Variants in FGF12 observed in about 807,000 individuals in gnomAD.
FGF12 encodes the protein fibroblast growth factor 12B.
In FGF12, 14 loss-of-function variants were observed where a neutral mutation model predicts 23.6. The ratio of observed to expected loss-of-function variants is 0.59; its 90% CI spans 0.39 to 0.93. FGF12 has a LOEUF of 0.93. Ranked by LOEUF, FGF12 falls within the 40% of genes least tolerant of loss-of-function variation. FGF12 has a pLI of 0.00. For synonymous variants in FGF12, 62 were observed against 77.3 expected (o/e 0.80, Z 1.04); for missense variants, 175 against 217.8 (o/e 0.80, Z 1.24).
chr3:192,248,840 T>C (rs1259836568), intron 4 of FGF12, among the ~76,000 whole-genome samples: 2 of 152,194 alleles, frequency 1.3e-5, no homozygotes, highest in East Asian at 1.9e-4. Flanking sequence ...CATTTTATTT[T>C]AGCTTAACAC....
At chr3:192,319,646 A>T (rs914133650) in intron 4 of FGF12, among the ~76,000 whole-genome samples, 1 of 152,072 alleles carries the variant, frequency 6.6e-6, no homozygotes, top group Non-Finnish European at 1.5e-5. Flanking sequence ...CTTTCAAGAC[A>T]TGGATAGTAT....
chr3:192,613,509 C>T (rs951279638), intron 2 of FGF12, among the ~76,000 whole-genome samples: 5 of 151,828 alleles, frequency 3.3e-5, no homozygotes, highest in Non-Finnish European at 5.9e-5. Flanking sequence ...TATCTAGGTT[C>T]GGAGAACATG....
At chr3:192,544,388 T>A (rs1052712318) in intron 2 of FGF12, among the ~76,000 whole-genome samples, 1 of 152,164 alleles carries the variant, frequency 6.6e-6, no homozygotes, top group African/African-American at 2.4e-5. Flanking sequence ...TGCTTTTTTG[T>A]GTGGATAGTT....
intron 2 of FGF12, among the ~76,000 whole-genome samples, chr3:192,654,800 A>G (rs1280925429): frequency 6.6e-6 from 1 of 152,172 alleles, no homozygotes; most frequent in Non-Finnish European, 1.5e-5. Context: ...GTTTTCGTAT[A>G]TTCAACAGAA....
chr3:192,434,097 G>A (rs1036590536), intron 2 of FGF12, among the ~76,000 whole-genome samples: 10 of 152,242 alleles, frequency 6.6e-5, no homozygotes, highest in Admixed American at 1.3e-4. Flanking sequence ...GCAAATGGCC[G>A]AGTGGAAAAA....
At chr3:192,229,517 T>C (rs1332521817) in intron 4 of FGF12, among the ~76,000 whole-genome samples, 1 of 152,058 alleles carries the variant, frequency 6.6e-6, no homozygotes, top group East Asian at 1.9e-4. Context: ...TTTTTATTTT[T>C]CAGAAACTCT....
At chr3:192,695,586 T>C (rs1718093024) in intron 2 of FGF12, among the ~76,000 whole-genome samples, 1 of 152,182 alleles carries the variant, frequency 6.6e-6, no homozygotes, top group Non-Finnish European at 1.5e-5. Context: ...AACTAACTAA[T>C]AAAATGTGAG....
intron 2 of FGF12, among the ~76,000 whole-genome samples, chr3:192,650,536 T>G (rs537535129): frequency 6.6e-6 from 1 of 152,182 alleles, no homozygotes; most frequent in Non-Finnish European, 1.5e-5. Flanking sequence ...TACCTATTAT[T>G]TATCTCATTG....
At chr3:192,496,512 T>C (rs1016967847) in intron 2 of FGF12, among the ~76,000 whole-genome samples, 2 of 152,074 alleles carry the variant, frequency 1.3e-5, no homozygotes, top group African/African-American at 4.8e-5. Flanking sequence ...CATATAAATA[T>C]GCTAATAATA....
At chr3:192,498,206 A>G (rs1724019256) in intron 2 of FGF12, among the ~76,000 whole-genome samples, 1 of 152,094 alleles carries the variant, frequency 6.6e-6, no homozygotes, top group Non-Finnish European at 1.5e-5. Context: ...TTTAGCACCT[A>G]TTTTTGAAGA....
intron 2 of FGF12, among the ~76,000 whole-genome samples, chr3:192,697,992 C>CTT (rs140473560): frequency 4.0e-5 from 6 of 149,358 alleles, no homozygotes; most frequent in Admixed American, 4.0e-4. Context: ...CTTGCCTGAT[C>CTT]TTTTTTTTTT....
intron 2 of FGF12, among the ~76,000 whole-genome samples, chr3:192,603,413 A>C (rs1714198450): frequency 6.6e-6 from 1 of 152,308 alleles, no homozygotes; most frequent in Middle Eastern, 3.4e-3. Context: ...GAGCCAAATC[A>C]AGTACACAAT....
chr3:192,644,936 T>C (rs187385404), intron 2 of FGF12, among the ~76,000 whole-genome samples: 329 of 152,186 alleles, frequency 2.2e-3, no homozygotes, highest in Middle Eastern at 3.4e-3. Flanking sequence ...ATATATGACA[T>C]TTGGGCAGAA....
intron 2 of FGF12, among the ~76,000 whole-genome samples, chr3:192,720,059 T>C (rs1190535487): frequency 6.6e-6 from 1 of 152,254 alleles, no homozygotes; most frequent in Non-Finnish European, 1.5e-5. Flanking sequence ...CTTTGGTGCA[T>C]TTAGTTATCT....
At chr3:192,322,576 G>A (rs906709337) in intron 4 of FGF12, among the ~76,000 whole-genome samples, 5 of 151,646 alleles carry the variant, frequency 3.3e-5, no homozygotes, top group South Asian at 4.2e-4. Flanking sequence ...TGAGAGAATC[G>A]CATTACCTGA....
intron 2 of FGF12, among the ~76,000 whole-genome samples, chr3:192,379,969 A>C (rs1719748370): frequency 6.6e-6 from 1 of 152,204 alleles, no homozygotes; most frequent in Non-Finnish European, 1.5e-5. Context: ...TGGATACCAT[A>C]AAGTACCCAG....
chr3:192,646,398 C>T (rs1381320080), intron 2 of FGF12, among the ~76,000 whole-genome samples: 1 of 151,966 alleles, frequency 6.6e-6, no homozygotes, highest in African/African-American at 2.4e-5. Context: ...TTATATATGG[C>T]TAATTTGTCC....
At chr3:192,292,811 T>G (rs1292326381) in intron 4 of FGF12, among the ~76,000 whole-genome samples, 1 of 152,136 alleles carries the variant, frequency 6.6e-6, no homozygotes, top group African/African-American at 2.4e-5. Flanking sequence ...AAGTCTCGCT[T>G]GGTCACCCAG....
At chr3:192,618,276 C>T (rs116828618) in intron 2 of FGF12, among the ~76,000 whole-genome samples, 56 of 151,872 alleles carry the variant, frequency 3.7e-4, no homozygotes, top group African/African-American at 1.2e-3. Context: ...TTCTGAAGTC[C>T]GCTAAGTTAA....
Sources: gnomAD v4.1 joint callset for allele counts (sites outside exome capture counted in the v4.1 genomes callset) on GRCh38, gnomAD v4.1.1 for gene constraint, MANE v1.5 for transcripts, NCBI Gene and HGNC (gene_info 2026-07-23, HGNC 2026-07-21) for gene names.